The following SPOCK1 variants were observed in gnomAD, a reference collection of about 807,000 sequenced individuals.
SPOCK1 encodes testican-1.
In SPOCK1, 23 loss-of-function variants were observed where a neutral mutation model predicts 55.3. The observed-to-expected ratio is 0.42, with a 90% CI of 0.30 to 0.59. The LOEUF (loss-of-function observed/expected upper bound fraction) is 0.59, where lower values mean the gene tolerates loss of function less well. Ranked by LOEUF, SPOCK1 falls within the 20% of genes least tolerant of loss-of-function variation. The pLI is 0.22. For missense variants in SPOCK1, 499 were observed against 552.5 expected (o/e 0.90, Z 0.97); for synonymous variants, 226 against 221.0 (o/e 1.02, Z -0.20).
At chr5:137,357,663 A>G (rs1345620624) in intron 2 of SPOCK1, among the ~76,000 whole-genome samples, 3 of 152,202 alleles carry the variant, frequency 2.0e-5, no homozygotes, top group African/African-American at 7.2e-5. Flanking sequence ...TTTAAGGATC[A>G]TGATGCAACC....
intron 2 of SPOCK1, among the ~76,000 whole-genome samples, chr5:137,478,704 G>A (rs978203643): frequency 2.6e-5 from 4 of 151,900 alleles, no homozygotes; most frequent in Non-Finnish European, 4.4e-5. Context: ...AAACTACTAC[G>A]TTTCCAAGCA....
At chr5:137,358,473 G>A (rs1750869223) in intron 2 of SPOCK1, among the ~76,000 whole-genome samples, 1 of 144,974 alleles carries the variant, frequency 6.9e-6, no homozygotes, top group Non-Finnish European at 1.5e-5. Flanking sequence ...GGGAGGGGAG[G>A]GGAGGGGAGG....
At chr5:137,344,162 C>T (rs977550385) in intron 2 of SPOCK1, among the ~76,000 whole-genome samples, 1 of 152,216 alleles carries the variant, frequency 6.6e-6, no homozygotes, top group Non-Finnish European at 1.5e-5. Flanking sequence ...CTCTCTTGAT[C>T]CCTCCCAAGA....
chr5:137,084,740 G>C (rs752851739), intron 5 of SPOCK1, among the ~76,000 whole-genome samples: 12 of 151,998 alleles, frequency 7.9e-5, no homozygotes, highest in Admixed American at 2.6e-4. Context: ...GAAAAGAAAA[G>C]AGAAGAGAAA....
At chr5:137,182,863 C>T (rs1224745069) in intron 3 of SPOCK1, among the ~76,000 whole-genome samples, 1 of 152,174 alleles carries the variant, frequency 6.6e-6, no homozygotes, top group Non-Finnish European at 1.5e-5. Flanking sequence ...CAGCTCTGGC[C>T]ACCTGCCTTT....
chr5:137,262,515 T>A (rs1756763878), intron 3 of SPOCK1, among the ~76,000 whole-genome samples: 1 of 152,246 alleles, frequency 6.6e-6, no homozygotes, highest in South Asian at 2.1e-4. Context: ...CTTGGATGGA[T>A]GTCTCTGAGG....
At chr5:137,497,357 A>G (rs752839822) in intron 2 of SPOCK1, among the ~76,000 whole-genome samples, 9 of 152,260 alleles carry the variant, frequency 5.9e-5, no homozygotes, top group Non-Finnish European at 1.0e-4. Context: ...GCCTTTGAAC[A>G]TTAAAGCTTT....
chr5:137,299,054 A>G lies in SPOCK1; in HGVS notation c.187-31999T>C, dbSNP rs556297222. 5.0e-4 allele frequency among the ~76,000 whole-genome samples: 76 copies of G among 152,114 alleles called. 2 individuals are homozygous for G. In the South Asian group the frequency reaches 0.015, roughly 30 times the overall value. ...TTTTCTATTTGTTCCATCTGTTCTA[A>G]TTCTCATCTCCTTTCTTCATTTAAT... On this transcript the variant is annotated intron_variant, in intron 2 of 10. Coordinates refer to ENST00000394945, the MANE Select transcript of SPOCK1 (RefSeq NM_004598.4).
At chr5:137,145,688 G>A (rs1252892370) in intron 3 of SPOCK1, among the ~76,000 whole-genome samples, 1 of 152,206 alleles carries the variant, frequency 6.6e-6, no homozygotes, top group Non-Finnish European at 1.5e-5. Flanking sequence ...CTCTCCAGGG[G>A]TTCACCGTTG....
rs573038753 is a variant in SPOCK1 at position 137,013,069 on chromosome 5, C to G, written c.590-20469G>C. Among the ~76,000 whole-genome samples the G allele has an allele frequency of 7.2e-5, 11 of 152,134 alleles. No homozygotes were observed. In the East Asian group the frequency reaches 1.2e-3, roughly 16 times the overall value. On this transcript the variant is annotated intron_variant, in intron 6 of 10. Transcript: ENST00000394945. Reference sequence around the variant, plus strand: ...TGAGTTGGAGGGAGAAAGAGAGACACAGAGAGAGAGACAGGGGAAGGTATA... The same window carrying G: ...TGAGTTGGAGGGAGAAAGAGAGACAGAGAGAGAGAGACAGGGGAAGGTATA...
chr5:137,312,411 G>C (rs777277022), intron 2 of SPOCK1, among the ~76,000 whole-genome samples: 2 of 152,132 alleles, frequency 1.3e-5, no homozygotes, highest in Non-Finnish European at 2.9e-5. Flanking sequence ...GAGGGTTGGA[G>C]AATAAAGCAA....
At chr5:137,287,561 G>T (rs192265417) in intron 2 of SPOCK1, among the ~76,000 whole-genome samples, 1 of 152,310 alleles carries the variant, frequency 6.6e-6, no homozygotes, top group Non-Finnish European at 1.5e-5. Flanking sequence ...ACAAATGGAA[G>T]AAACTACACT....
chr5:137,478,969 C>A (rs925373564), intron 2 of SPOCK1, among the ~76,000 whole-genome samples: 17 of 151,924 alleles, frequency 1.1e-4, no homozygotes, highest in African/African-American at 4.1e-4. Context: ...CACCAGGCCT[C>A]CCTGCTCCCC....
At position 137,332,226 on chromosome 5, in the gene SPOCK1, C is replaced by A. The variant is rs1758200759; in HGVS notation, c.187-65171G>T. ...CTCTGTCTCGACACTCCCCCCCAGC[C>A]CTCTTCACAAGACTGTGCCCCTCCC... On this transcript the variant is annotated intron_variant, in intron 2 of 10. Coordinates refer to ENST00000394945, the MANE Select transcript of SPOCK1 (RefSeq NM_004598.4). 2.0e-5 allele frequency among the ~76,000 whole-genome samples: 3 copies of A among 152,156 alleles called. 1 individual carries two copies. The highest frequency in any genetic ancestry group is 7.2e-5 in the African/African-American group (3 of 41,442).
chr5:137,436,058 G>A (rs1477498223), intron 2 of SPOCK1, among the ~76,000 whole-genome samples: 2 of 152,116 alleles, frequency 1.3e-5, no homozygotes, highest in South Asian at 2.1e-4. Flanking sequence ...TCAGGAGGCT[G>A]AGGCAGGGAA....
intron 2 of SPOCK1, among the ~76,000 whole-genome samples, chr5:137,275,640 C>T (rs1216329299): frequency 1.3e-5 from 2 of 152,192 alleles, no homozygotes; most frequent in Non-Finnish European, 2.9e-5. Flanking sequence ...CCAGGCCCAC[C>T]ATGGAGAGCA....
intron 2 of SPOCK1, among the ~76,000 whole-genome samples, chr5:137,443,175 C>T (rs1269459886): frequency 1.3e-5 from 2 of 152,122 alleles, no homozygotes; most frequent in South Asian, 4.1e-4. Flanking sequence ...CTCGGAGCCC[C>T]TAAGTCATGG....
At chr5:136,979,215 A>T in intron 10 of SPOCK1, 117 bp downstream of exon 10, 1 of 1,440,716 alleles carries the variant, frequency 6.9e-7, no homozygotes. Context: ...TGCCTCTATT[A>T]TAAACTTAAT....
Position 136,991,151 on chromosome 5 carries a change from A to G in SPOCK1, c.706+1333T>C, listed in dbSNP as rs1750940993. The stretch of plus-strand genomic sequence containing the variant: ...AGGTCTTCTGGAGAAATCTCCAGAG[A>G]CTGGAGGCTGCAAGCAGCTGCTCTC... On this transcript the variant is annotated intron_variant, in intron 7 of 10. Coordinates refer to ENST00000394945, the MANE Select transcript of SPOCK1 (RefSeq NM_004598.4). 6.6e-5 allele frequency among the ~76,000 whole-genome samples: 10 copies of G among 152,242 alleles called. 1 individual carries two copies. In the Middle Eastern group the frequency reaches 0.021, roughly 313 times the overall value.
Sources: allele counts gnomAD v4.1 joint callset (sites outside exome capture counted in the v4.1 genomes callset), GRCh38; gene constraint gnomAD v4.1.1; transcripts MANE v1.5; gene names NCBI Gene and HGNC (gene_info 2026-07-23, HGNC 2026-07-21).